SRGAP2: variants seen among roughly 807,000 people sequenced by gnomAD.
SRGAP2 encodes SLIT-ROBO Rho GTPase activating protein 2, also known as SLIT-ROBO Rho GTPase-activating protein 2.
A neutral mutation model predicts 57.2 loss-of-function variants in SRGAP2; 15 were observed. The observed-to-expected ratio is 0.26, with a 90% CI of 0.18 to 0.40. SRGAP2 has a LOEUF of 0.40. Ranked by LOEUF, SRGAP2 falls within the 10% of genes least tolerant of loss-of-function variation. SRGAP2 has a pLI of 1.00. For missense variants in SRGAP2, 520 were observed against 669.6 expected (o/e 0.78, Z 2.47); for synonymous variants, 249 against 248.0 (o/e 1.00, Z -0.04).
At chr1:206,254,651 CTA>C (rs1351069113) in intron 2 of SRGAP2, among the ~76,000 whole-genome samples, 1 of 151,400 alleles carries the variant, frequency 6.6e-6, no homozygotes, top group African/African-American at 2.4e-5. Context: ...GTTCCAGGAT[CTA>C]TATCCTGCAC....
chr1:206,419,764 G>A (rs1305071865), intron 12 of SRGAP2, among the ~76,000 whole-genome samples: 1 of 151,534 alleles, frequency 6.6e-6, no homozygotes, highest in Non-Finnish European at 1.5e-5. Flanking sequence ...GGGGCTCTGG[G>A]GAGTCTCTGA....
intron 2 of SRGAP2, among the ~76,000 whole-genome samples, chr1:206,230,585 A>G (rs1465006448): frequency 5.3e-5 from 8 of 151,574 alleles, no homozygotes; most frequent in African/African-American, 1.9e-4. Context: ...CTAGAGATAG[A>G]GTTATTAACA....
intron 10 of SRGAP2, among the ~76,000 whole-genome samples, chr1:206,411,211 T>A (rs1319814028): frequency 6.6e-6 from 1 of 152,170 alleles, no homozygotes; most frequent in Non-Finnish European, 1.5e-5. Flanking sequence ...TTATGGGGGA[T>A]AGAACAGTGA....
chr1:206,415,857 T>G (rs781794495), intron 10 of SRGAP2, 32 bp from the exon 11 acceptor site: 8 of 766,602 alleles, frequency 1.0e-5, no homozygotes, highest in Admixed American at 7.0e-5. Flanking sequence ...TTCAGGAGTC[T>G]GATTGCTCTT....
chr1:206,436,222 T>A (rs1049531260), intron 14 of SRGAP2, among the ~76,000 whole-genome samples: 2 of 152,198 alleles, frequency 1.3e-5, no homozygotes, highest in South Asian at 4.1e-4. Context: ...GTTCTCTCTT[T>A]TTCATGAGTA....
chr1:206,356,548 C>T (rs1676450857), intron 4 of SRGAP2, among the ~76,000 whole-genome samples: 1 of 152,190 alleles, frequency 6.6e-6, no homozygotes, highest in Non-Finnish European at 1.5e-5. Flanking sequence ...TCAGAATTTC[C>T]ATTGTGCTAT....
chr1:206,355,805 A>G (rs1178149903), intron 4 of SRGAP2, among the ~76,000 whole-genome samples: 1 of 152,060 alleles, frequency 6.6e-6, no homozygotes, highest in East Asian at 1.9e-4. Flanking sequence ...TGTCTCTACT[A>G]AAAATACAGA....
At chr1:206,298,679 GA>G (rs1671716505) in intron 2 of SRGAP2, among the ~76,000 whole-genome samples, 1 of 152,072 alleles carries the variant, frequency 6.6e-6, no homozygotes, top group Non-Finnish European at 1.5e-5. Context: ...TGATTCTCAG[GA>G]ACCTTTTAAA....
rs1295347840 is a variant in SRGAP2 at position 206,454,315 on chromosome 1, G to A, written c.2361-563G>A. 1 of 640,048 alleles carries A rather than the reference G, an allele frequency of 1.6e-6. No individual in the cohort carries two copies. The highest frequency in any genetic ancestry group is 2.8e-6 in the Non-Finnish European group (1 of 355,278). 39.6% of individuals were successfully genotyped at this position (640,048 alleles called of 1,614,324 possible). A position where few individuals can be genotyped will look rare whatever the true frequency, so the allele number is the denominator to read the frequency against. ...ACAGGATCAAGAGAAGATGAATTGT[G>A]GGGGAGAAGGGGCTTTCTTTGTCAT... On this transcript the variant is annotated intron_variant, in intron 20 of 22. Coordinates refer to ENST00000573034, the MANE Select transcript of SRGAP2 (RefSeq NM_015326.5). This position sits in a 1 kb window ranked among gnomAD's most constrained non-coding sequence, Gnocchi z 4.3.
intron 13 of SRGAP2, among the ~76,000 whole-genome samples, chr1:206,426,877 G>A (rs183138306): frequency 6.6e-6 from 1 of 152,196 alleles, no homozygotes; most frequent in Non-Finnish European, 1.5e-5. Flanking sequence ...CCCTTATCAG[G>A]TGGATAGTTT....
chr1:206,440,819 A>G (rs1398784210), intron 17 of SRGAP2, among the ~76,000 whole-genome samples: 3 of 152,232 alleles, frequency 2.0e-5, no homozygotes, highest in African/African-American at 7.2e-5. Context: ...TGCTGGGATT[A>G]CAGGCGTGAG....
At chr1:206,373,116 T>C (rs1470388067) in intron 4 of SRGAP2, among the ~76,000 whole-genome samples, 2 of 134,140 alleles carry the variant, frequency 1.5e-5, no homozygotes, top group African/African-American at 5.8e-5. Context: ...TTTTTTTTTT[T>C]TCTGAGTCTT....
chr1:206,321,229 A>G (rs1383948149), intron 3 of SRGAP2, among the ~76,000 whole-genome samples: 6 of 142,882 alleles, frequency 4.2e-5, no homozygotes, highest in African/African-American at 1.5e-4. Flanking sequence ...TTTCCTTATT[A>G]TTAGATTCAA....
In SRGAP2 at chr1:206,391,640, C is replaced by CACAT. The variant is rs1553350510; in HGVS notation, c.487-1048_487-1047insCATA. Among the ~76,000 whole-genome samples, 819 of 141,200 alleles carry CACAT rather than the reference C, an allele frequency of 5.8e-3. 38 individuals carry two copies. The highest frequency in any genetic ancestry group is 0.022 in the African/African-American group (784 of 34,946). The allele number at this position is 141,200 out of a possible 152,430, so 92.6% of individuals were successfully genotyped here. ...GCACACACACACACACACACACACA[C>CACAT]ATGCACACACACACCCAACTTCTAC... On this transcript the variant is annotated intron_variant, in intron 5 of 22. Coordinates refer to ENST00000573034, the MANE Select transcript of SRGAP2 (RefSeq NM_015326.5).
intron 22 of SRGAP2, 126 bp downstream of exon 22, chr1:206,459,073 G>A (rs1664061815): frequency 3.2e-6 from 2 of 616,000 alleles, no homozygotes; most frequent in Admixed American, 2.8e-5. Flanking sequence ...CTGAGTATAT[G>A]TCCACTCTGG....
intron 4 of SRGAP2, among the ~76,000 whole-genome samples, chr1:206,366,653 G>A (rs1162409994): frequency 6.6e-6 from 1 of 152,018 alleles, no homozygotes; most frequent in Non-Finnish European, 1.5e-5. Context: ...ATCAAGAAGC[G>A]ATTTCCTTTC....
chr1:206,391,069 G>A (rs1656897398), intron 5 of SRGAP2, among the ~76,000 whole-genome samples: 2 of 151,838 alleles, frequency 1.3e-5, no homozygotes, highest in African/African-American at 4.9e-5. Flanking sequence ...AGTTGTTGTG[G>A]GGGCTGTCCT....
chr1:206,266,690 A>G (rs1295858076), intron 2 of SRGAP2, among the ~76,000 whole-genome samples: 3 of 151,598 alleles, frequency 2.0e-5, no homozygotes, highest in Non-Finnish European at 1.5e-5. Context: ...CTTACCAGCT[A>G]TGCTTGTCCC....
intron 2 of SRGAP2, among the ~76,000 whole-genome samples, chr1:206,221,241 A>G (rs1280367049): frequency 3.4e-5 from 5 of 149,242 alleles, no homozygotes; most frequent in East Asian, 1.9e-4. Context: ...TACCTGGCCT[A>G]TATGTTTTAT....
Sources: gnomAD v4.1 joint callset for allele counts (sites outside exome capture counted in the v4.1 genomes callset) on GRCh38, gnomAD v4.1.1 for gene constraint, Gnocchi (gnomAD v3.1) non-coding constraint, MANE v1.5 for transcripts, NCBI Gene and HGNC (gene_info 2026-07-23, HGNC 2026-07-21) for gene names.